Variants in KLF12 observed in about 807,000 individuals in gnomAD.
KLF12 encodes KLF transcription factor 12.
A neutral mutation model predicts 37.8 loss-of-function variants in KLF12; 9 were observed. That is an observed-to-expected ratio of 0.24 (90% CI 0.14 to 0.42). The LOEUF is 0.42. Ranked by LOEUF, KLF12 falls within the 10% of genes least tolerant of loss-of-function variation. The pLI, the probability that KLF12 is intolerant of heterozygous loss-of-function variation, is 1.00. For synonymous variants in KLF12, 208 were observed against 202.1 expected (o/e 1.03, Z -0.25); for missense variants, 411 against 516.0 (o/e 0.80, Z 1.97).
At chr13:74,277,954 C>T in the KLF12 span, among the ~76,000 whole-genome samples, 1 of 152,172 alleles carries the variant, frequency 6.6e-6, no homozygotes, top group African/African-American at 2.4e-5. Flanking sequence ...TTTCTTTTCC[C>T]TTCAGGGTTA....
At chr13:73,813,996 T>A (rs1020624963) in intron 4 of KLF12, among the ~76,000 whole-genome samples, 5 of 152,212 alleles carry the variant, frequency 3.3e-5, no homozygotes, top group African/African-American at 1.2e-4. Context: ...CTGACCCCTG[T>A]TGACCAAGAC....
chr13:73,919,359 T>G (rs1281495404), intron 3 of KLF12, among the ~76,000 whole-genome samples: 1 of 152,156 alleles, frequency 6.6e-6, no homozygotes, highest in African/African-American at 2.4e-5. Flanking sequence ...TAACAGTAAC[T>G]AATCCAAAAC....
chr13:74,167,790 A>G, the KLF12 span, among the ~76,000 whole-genome samples: 1 of 152,160 alleles, frequency 6.6e-6, no homozygotes. Flanking sequence ...TTTCTTTCTT[A>G]TTATCAAAAC....
intron 3 of KLF12, among the ~76,000 whole-genome samples, chr13:73,848,913 T>C (rs1885168514): frequency 1.3e-5 from 2 of 152,172 alleles, no homozygotes; most frequent in Admixed American, 6.5e-5. Context: ...TCAAAAATAA[T>C]GCTTCATCAG....
At chr13:74,078,239 T>TAG (rs1292375798) in intron 1 of KLF12, among the ~76,000 whole-genome samples, 4 of 152,170 alleles carry the variant, frequency 2.6e-5, no homozygotes, top group African/African-American at 9.7e-5. Context: ...ATTCCATGCA[T>TAG]AGAAGTATAA....
intron 3 of KLF12, among the ~76,000 whole-genome samples, chr13:73,892,092 T>C (rs1029739939): frequency 6.6e-6 from 1 of 152,082 alleles, no homozygotes; most frequent in South Asian, 2.1e-4. Flanking sequence ...GCCCAGTTTG[T>C]TGTTTTAATG....
At chr13:73,982,966 A>T (rs1363709941) in intron 2 of KLF12, among the ~76,000 whole-genome samples, 1 of 151,872 alleles carries the variant, frequency 6.6e-6, no homozygotes, top group Non-Finnish European at 1.5e-5. Context: ...CAAAAAAAAA[A>T]GAAAAAAAAG....
intron 2 of KLF12, among the ~76,000 whole-genome samples, chr13:73,981,928 A>T (rs997812792): frequency 6.6e-6 from 1 of 152,224 alleles, no homozygotes; most frequent in African/African-American, 2.4e-5. Flanking sequence ...AGACAGGCTA[A>T]GAAAGGGACT....
Position 73,951,083 on chromosome 13 carries a change from T to A in KLF12, c.34-7013A>T, listed in dbSNP as rs9543498. Among the ~76,000 whole-genome samples the A allele has an allele frequency of 8.5e-3, 1,294 of 152,320 alleles. 18 individuals are homozygous for A. Among genetic ancestry groups the A allele is most frequent in the Non-Finnish European group, 0.013 (872 of 68,024 alleles). On this transcript the variant is annotated intron_variant, in intron 2 of 7. Transcript: ENST00000377669. The stretch of plus-strand genomic sequence containing the variant: ...GCCTCATAGACGATCAAGAAGTACA[T>A]TTGCAATACAACCACAATATCCTCA...
At chr13:74,218,961 AGTT>A in the KLF12 span, among the ~76,000 whole-genome samples, 1 of 69,696 alleles carries the variant, frequency 1.4e-5, no homozygotes, top group Non-Finnish European at 2.6e-5. Flanking sequence ...TAAAAATAAG[AGTT>A]TTTTTTTTTT....
intron 5 of KLF12, chr13:73,799,932 T>C (rs1024413482): frequency 4.6e-5 from 7 of 152,162 alleles, no homozygotes; most frequent in African/African-American, 1.7e-4. Flanking sequence ...TCATGAAATT[T>C]TAGCTCAAAG....
At chr13:74,243,565 T>C in the KLF12 span, among the ~76,000 whole-genome samples, 22 of 152,180 alleles carry the variant, frequency 1.4e-4, no homozygotes, top group African/African-American at 5.3e-4. Context: ...ATTTACACTC[T>C]CCCCAACAGT....
the KLF12 span, among the ~76,000 whole-genome samples, chr13:74,265,965 A>G: frequency 1.8e-4 from 28 of 152,268 alleles, no homozygotes; most frequent in African/African-American, 6.5e-4. Flanking sequence ...TCAACTCTCC[A>G]ATTAGTTTGA....
At chr13:73,852,275 C>T (rs1044829946) in intron 3 of KLF12, among the ~76,000 whole-genome samples, 1 of 152,052 alleles carries the variant, frequency 6.6e-6, no homozygotes, top group African/African-American at 2.4e-5. Context: ...ATAAAACTGA[C>T]AAAAACGTAA....
At chr13:73,705,883 G>C (rs992445898) in intron 7 of KLF12, among the ~76,000 whole-genome samples, 1 of 152,152 alleles carries the variant, frequency 6.6e-6, no homozygotes, top group South Asian at 2.1e-4. Flanking sequence ...GCCGGGTGCA[G>C]TGGCTCACGC....
chr13:74,134,114 T>C (rs2139043808), upstream of KLF12, among the ~76,000 whole-genome samples: 1 of 146,506 alleles, frequency 6.8e-6, no homozygotes, highest in Non-Finnish European at 1.5e-5. Flanking sequence ...AGGACGCCGC[T>C]TCTCCTCCCT....
At chr13:74,130,688 A>G (rs1878213392) in intron 1 of KLF12, among the ~76,000 whole-genome samples, 1 of 152,008 alleles carries the variant, frequency 6.6e-6, no homozygotes, top group Non-Finnish European at 1.5e-5. Flanking sequence ...AAAGGTAATA[A>G]TGGTGTTGAT....
rs189176263 is a variant in KLF12 at position 73,705,313 on chromosome 13, G to A, written c.1028-9642C>T. Among the ~76,000 whole-genome samples, 35 of 152,004 alleles carry A rather than the reference G, an allele frequency of 2.3e-4. No homozygotes were observed. In the East Asian group the frequency reaches 6.4e-3, roughly 28 times the overall value. ...TTTTGAGATGGAGTCTTGCTCTGTC[G>A]CCCAGGCTGGAGTGCAGTGGCATGG... On this transcript the variant is annotated intron_variant, in intron 7 of 7. Coordinates refer to ENST00000377669, the MANE Select transcript of KLF12 (RefSeq NM_007249.5).
the KLF12 span, among the ~76,000 whole-genome samples, chr13:74,281,395 A>G: frequency 6.6e-6 from 1 of 152,226 alleles, no homozygotes; most frequent in African/African-American, 2.4e-5. Flanking sequence ...AAAGAATGTT[A>G]AAGTATTTTG....
Sources: gnomAD v4.1 joint callset for allele counts (sites outside exome capture counted in the v4.1 genomes callset) on GRCh38, gnomAD v4.1.1 for gene constraint, MANE v1.5 for transcripts, NCBI Gene and HGNC (gene_info 2026-07-23, HGNC 2026-07-21) for gene names.